Variants in NAA25 observed in about 807,000 individuals in gnomAD.
NAA25 encodes N-alpha-acetyltransferase 25, NatB auxiliary subunit.
A neutral mutation model predicts 132.5 loss-of-function variants in NAA25; 30 were observed. That is an observed-to-expected ratio of 0.23 (90% confidence interval 0.17 to 0.31). The LOEUF is 0.31. NAA25 is among the 10% of genes least tolerant of loss of function. The probability of loss-of-function intolerance (pLI) is 1.00; values close to 1 mark genes in which losing one functional copy is unlikely to be tolerated. For missense variants in NAA25, 771 were observed against 1,150.4 expected (o/e 0.67, Z 4.77); for synonymous variants, 359 against 401.9 (o/e 0.89, Z 1.28).
At chr12:112,071,304 A>G (rs888036758) in intron 10 of NAA25, among the ~76,000 whole-genome samples, 2 of 152,232 alleles carry the variant, frequency 1.3e-5, no homozygotes, top group Non-Finnish European at 2.9e-5. Context: ...TACAGGTGTG[A>G]GCCAATGCAC....
At chr12:112,082,921 G>A (rs941929836) in intron 4 of NAA25, among the ~76,000 whole-genome samples, 1 of 152,124 alleles carries the variant, frequency 6.6e-6, no homozygotes, top group Non-Finnish European at 1.5e-5. Context: ...GTAAAGGGAT[G>A]TATGCTGATA....
intron 22 of NAA25, among the ~76,000 whole-genome samples, chr12:112,035,749 C>A (rs2078216969): frequency 6.6e-6 from 1 of 151,038 alleles, no homozygotes; most frequent in South Asian, 2.1e-4. Flanking sequence ...GCGATCACAG[C>A]TCACGGCAGC....
intron 9 of NAA25, among the ~76,000 whole-genome samples, chr12:112,074,170 G>A (rs1342371769): frequency 6.6e-6 from 1 of 151,726 alleles, no homozygotes; most frequent in Non-Finnish European, 1.5e-5. Flanking sequence ...GTGAAACCCC[G>A]TCTCTACCAA....
rs2079160357 is a variant in NAA25 at position 112,093,106 on chromosome 12, G to A, written c.89C>T (p.Ala30Val). The A allele has an allele frequency of 6.2e-7, 1 of 1,610,400 alleles. No homozygotes were observed. Among genetic ancestry groups the A allele is most frequent in the Non-Finnish European group, 8.5e-7 (1 of 1,177,104 alleles). The change falls in exon 2 of 24, where the codon GCA (alanine) becomes GTA (valine). Residue 30 changes from alanine to valine, a missense_variant. This residue lies in a region of NAA25 where 417 missense variants were observed against 733.8 expected (regional missense o/e 0.57). Coordinates refer to ENST00000261745, the MANE Select transcript of NAA25 (RefSeq NM_024953.4). Reference sequence around the variant, plus strand: ...CAACAGTTTATCTGCTTGCTGAATTGCCATTTTATTATTACCATTGTCAAG... The same window carrying A: ...CAACAGTTTATCTGCTTGCTGAATTACCATTTTATTATTACCATTGTCAAG... ...DYLDNGNNKM[A>V]IQQADKLLKK...
At position 112,053,631 on chromosome 12, in the gene NAA25, G is replaced by C; in HGVS notation, c.1655C>G (p.Ser552Cys). 1.2e-6 allele frequency: 2 copies of C among 1,606,690 alleles called. No homozygotes were observed. The highest frequency in any genetic ancestry group is 2.2e-5 in the East Asian group (1 of 44,860). Residue 552 changes from serine to cysteine, a missense_variant, in exon 15 of 24, where the codon TCT becomes TGT. This residue lies in a region of NAA25 where 417 missense variants were observed against 733.8 expected (regional missense o/e 0.57). Transcript: ENST00000261745. ...GGACGCAGCAGCATACTGACCTAGA[G>C]ATTCAGCATATCGGGTCAAAAGATA... ...IGYLLTRYAE[S>C]LGQYAAASQS...
In NAA25 at chr12:112,040,462, G is replaced by C. The variant is rs761532934; in HGVS notation, c.2538+19C>G. ...CATTAAGAACAACAATGTCTTTTAG[G>C]AAGAGAACAAAAACTTACCTCAACA... On this transcript the variant is annotated intron_variant, in intron 21 of 23. Transcript: ENST00000261745. 1 of 1,425,898 alleles carries C rather than the reference G, an allele frequency of 7.0e-7. No individual in the cohort carries two copies. The highest frequency in any genetic ancestry group is 9.8e-7 in the Non-Finnish European group (1 of 1,016,204). 88.3% of individuals were successfully genotyped at this position (1,425,898 alleles called of 1,614,324 possible). A position where few individuals can be genotyped will look rare whatever the true frequency, so the allele number is the denominator to read the frequency against.
At position 112,049,993 on chromosome 12, in the gene NAA25, C is replaced by T. The variant is rs1349065885; in HGVS notation, c.1729-1550G>A. 4.0e-5 allele frequency among the ~76,000 whole-genome samples: 6 copies of T among 150,430 alleles called. No homozygotes were observed. On this transcript the variant is annotated intron_variant, in intron 15 of 23. Coordinates refer to ENST00000261745, the MANE Select transcript of NAA25 (RefSeq NM_024953.4). The surrounding 1 kb of genome is among the most constrained non-coding windows in gnomAD (Gnocchi z 4.7). ...GATTTAAGGAGGGAACCCAGCCTTA[C>T]CAAGTGTAGAGGCAGTTTTAATTTC... is the stretch of plus-strand genomic sequence containing the variant.
chr12:112,078,771 A>G, intron 5 of NAA25, 30 bp from the exon 6 acceptor site: 1 of 1,546,674 alleles, frequency 6.5e-7, no homozygotes. Context: ...GTTTCATTCT[A>G]ATTCTCCCCT....
At chr12:112,053,430 G>A (rs2078495772) in intron 15 of NAA25, 128 bp downstream of exon 15, 6 of 686,932 alleles carry the variant, frequency 8.7e-6, no homozygotes, top group Non-Finnish European at 1.6e-5. Flanking sequence ...GTAAGCTTTG[G>A]TCTAAGGGCA....
intron 22 of NAA25, chr12:112,034,213 A>G (rs2078190934): frequency 1.3e-5 from 2 of 152,254 alleles, no homozygotes; most frequent in Non-Finnish European, 2.9e-5. Flanking sequence ...AAACTATATT[A>G]TAGGCCAGGT....
chr12:112,103,207 G>A (rs1210328203), intron 1 of NAA25, among the ~76,000 whole-genome samples: 1 of 152,000 alleles, frequency 6.6e-6, no homozygotes, highest in African/African-American at 2.4e-5. Context: ...GGCTAGTCTC[G>A]AACTCCTGGC....
At chr12:112,073,753 A>G (rs1187285719) in intron 9 of NAA25, among the ~76,000 whole-genome samples, 1 of 152,088 alleles carries the variant, frequency 6.6e-6, no homozygotes. Flanking sequence ...ATTTAACTCT[A>G]GATGCCTATA....
intron 4 of NAA25, among the ~76,000 whole-genome samples, chr12:112,086,099 C>CAA (rs1784196164): frequency 7.8e-6 from 1 of 128,460 alleles, no homozygotes; most frequent in Non-Finnish European, 1.6e-5. Flanking sequence ...CACACACACA[C>CAA]ACACCCATAA....
intron 22 of NAA25, among the ~76,000 whole-genome samples, chr12:112,036,133 AT>A (rs1365858251): frequency 6.6e-5 from 10 of 152,226 alleles, no homozygotes; most frequent in Admixed American, 2.0e-4. Flanking sequence ...ATGGAAAAAA[AT>A]GTTACTGTTT....
chr12:112,037,160 C>T (rs1409069045), intron 22 of NAA25, among the ~76,000 whole-genome samples: 2 of 150,936 alleles, frequency 1.3e-5, no homozygotes, highest in African/African-American at 4.9e-5. Context: ...AGGAGCTAGC[C>T]AAATTTGGCA....
At chr12:112,062,045 T>C (rs2078637757) in intron 11 of NAA25, among the ~76,000 whole-genome samples, 1 of 152,184 alleles carries the variant, frequency 6.6e-6, no homozygotes, top group South Asian at 2.1e-4. Flanking sequence ...ATGTATTTAT[T>C]AAATACACGC....
Position 112,049,402 on chromosome 12 carries a change from A to G in NAA25, c.1729-959T>C. 1 of 947,308 alleles carries G rather than the reference A, an allele frequency of 1.1e-6. No homozygotes were observed. The highest frequency in any genetic ancestry group is 5.4e-4 in the Middle Eastern group (1 of 1,866). 58.7% of individuals were successfully genotyped at this position (947,308 alleles called of 1,614,324 possible). On this transcript the variant is annotated intron_variant, in intron 15 of 23. Coordinates refer to ENST00000261745, the MANE Select transcript of NAA25 (RefSeq NM_024953.4). The surrounding 1 kb of genome is among the most constrained non-coding windows in gnomAD (Gnocchi z 4.7). ...AAAAACAGTCTTTTTACACAGCCTC[A>G]GTTAATCAGCTCTGCCCCCATCTCC...
rs1010658399 is a variant in NAA25, at chr12:112,028,347, C to T, written c.*1184G>A. 6.6e-6 allele frequency: 1 copy of T among 152,538 alleles called. No homozygotes were observed. The highest frequency in any genetic ancestry group is 2.4e-5 in the African/African-American group (1 of 41,424). 9.4% of individuals were successfully genotyped at this position (152,538 alleles called of 1,614,324 possible). A position where few individuals can be genotyped will look rare whatever the true frequency, so the allele number is the denominator to read the frequency against. ...CAAAGAAACTGCATAAATTGTAGGA[C>T]ATTTTCAAGAGCAATTTTTACCTCT... On this transcript the variant is annotated 3_prime_UTR_variant, in exon 24 of 24. Transcript: ENST00000261745.
intron 11 of NAA25, among the ~76,000 whole-genome samples, chr12:112,066,354 C>T (rs879431140): frequency 6.6e-6 from 1 of 152,040 alleles, no homozygotes; most frequent in Admixed American, 6.6e-5. Flanking sequence ...TGAATGAATC[C>T]CTCCCACCTG....
Sources: allele counts gnomAD v4.1 joint callset (sites outside exome capture counted in the v4.1 genomes callset), GRCh38; gene constraint gnomAD v4.1.1; regional missense constraint gnomAD v4.1.1; non-coding constraint Gnocchi (gnomAD v3.1); transcripts MANE v1.5; gene names NCBI Gene and HGNC (gene_info 2026-07-23, HGNC 2026-07-21).